Variants in TLK1 observed in about 807,000 individuals in gnomAD.
TLK1 encodes the protein serine/threonine-protein kinase tousled-like 1.
Under a neutral mutation model 105.3 loss-of-function variants are expected in TLK1, and 24 were observed. The observed-to-expected ratio is 0.23, with a 90% CI of 0.17 to 0.32. TLK1 has a LOEUF of 0.32. Among genes scored for constraint, TLK1 ranks in the 10% least tolerant of loss-of-function variants. The pLI is 1.00. For missense variants in TLK1, 558 were observed against 910.5 expected, an observed-to-expected ratio of 0.61 and a Z score of 4.98; for synonymous variants, 321 against 310.4, an observed-to-expected ratio of 1.03 and a Z score of -0.36.
At chr2:171,041,589 C>A (rs1686678680) in intron 11 of TLK1, among the ~76,000 whole-genome samples, 1 of 152,172 alleles carries the variant, frequency 6.6e-6, no homozygotes, top group Admixed American at 6.5e-5. Context: ...GTGAACTGCG[C>A]ATGCAAGGGA....
chr2:171,212,770 G>C (rs901698296), intron 1 of TLK1, among the ~76,000 whole-genome samples: 3 of 152,176 alleles, frequency 2.0e-5, no homozygotes, highest in African/African-American at 7.2e-5. Context: ...CAGGCAGTCA[G>C]AGCCCCTGTT....
intron 2 of TLK1, among the ~76,000 whole-genome samples, chr2:171,099,405 C>T (rs1689594664): frequency 6.6e-6 from 1 of 152,148 alleles, no homozygotes; most frequent in Admixed American, 6.5e-5. Flanking sequence ...TGCTAGAAGA[C>T]TTAATGTTAT....
intron 1 of TLK1, among the ~76,000 whole-genome samples, chr2:171,225,129 A>C (rs190879161): frequency 1.3e-5 from 2 of 152,194 alleles, no homozygotes; most frequent in Non-Finnish European, 2.9e-5. Flanking sequence ...TGATAAAAAA[A>C]ATACACTGGG....
chr2:170,993,916 C>T lies in TLK1; in HGVS notation c.2165G>A (p.Arg722Gln). 1.2e-6 allele frequency: 2 copies of T among 1,611,146 alleles called. No individual in the cohort carries two copies. Among genetic ancestry groups the T allele is most frequent in the Non-Finnish European group, 8.5e-7 (1 of 1,178,966 alleles). Reference sequence around the variant, plus strand: ...ATTTGCCAGCTGGTGCACATCAAATCGATCTTCTTTTCGATATGCCAAACA... The same window carrying T: ...ATTTGCCAGCTGGTGCACATCAAATTGATCTTCTTTTCGATATGCCAAACA... Reference protein sequence around the residue: ...RRCLAYRKEDRFDVHQLANDP... With the variant: ...RRCLAYRKEDQFDVHQLANDP... The change falls in exon 21 of 21, where the codon CGA becomes CAA. Residue 722 changes from arginine to glutamine, a missense_variant. Transcript: ENST00000431350.
intron 2 of TLK1, among the ~76,000 whole-genome samples, chr2:171,115,688 T>C (rs768085146): frequency 2.8e-4 from 43 of 152,212 alleles, no homozygotes; most frequent in Non-Finnish European, 4.9e-4. Context: ...GGTGGTGATA[T>C]TGACTATATG....
At chr2:171,093,419 A>G (rs941467285) in intron 2 of TLK1, among the ~76,000 whole-genome samples, 6 of 152,234 alleles carry the variant, frequency 3.9e-5, no homozygotes, top group African/African-American at 1.4e-4. Flanking sequence ...CTTGACATTC[A>G]AAGAGTGATG....
intron 1 of TLK1, among the ~76,000 whole-genome samples, chr2:171,184,256 C>T (rs1386574964): frequency 1.3e-5 from 2 of 152,120 alleles, no homozygotes; most frequent in East Asian, 3.8e-4. Flanking sequence ...TTGATTTTAG[C>T]CCAGTAAGAT....
At chr2:171,073,871 T>C (rs969171757) in intron 3 of TLK1, among the ~76,000 whole-genome samples, 3 of 50,594 alleles carry the variant, frequency 5.9e-5, no homozygotes, top group Non-Finnish European at 1.3e-4. Context: ...AAACTTAACA[T>C]TCCCCCCCCC....
chr2:171,071,180 G>C (rs757614912), intron 3 of TLK1, among the ~76,000 whole-genome samples: 1 of 152,084 alleles, frequency 6.6e-6, no homozygotes, highest in Non-Finnish European at 1.5e-5. Flanking sequence ...TTTATTCCTT[G>C]TCAGATGGAT....
intron 1 of TLK1, among the ~76,000 whole-genome samples, chr2:171,218,032 T>C (rs1693745263): frequency 6.6e-6 from 1 of 152,160 alleles, no homozygotes; most frequent in Non-Finnish European, 1.5e-5. Flanking sequence ...GGCGGGCAGA[T>C]CACAAGGTCA....
intron 1 of TLK1, among the ~76,000 whole-genome samples, chr2:171,198,225 A>G (rs1480343980): frequency 6.6e-6 from 1 of 152,244 alleles, no homozygotes. Flanking sequence ...TGGGCTGGCC[A>G]GCTGGAAATA....
intron 2 of TLK1, among the ~76,000 whole-genome samples, chr2:171,110,112 TATA>T (rs1268002493): frequency 6.6e-6 from 1 of 152,196 alleles, no homozygotes; most frequent in African/African-American, 2.4e-5. Context: ...CGTGAATGGT[TATA>T]ATACCTTTAT....
Position 170,993,779 on chromosome 2 carries a change from G to A in TLK1, c.*1C>T. ...GATATCATGCCAATCTTGGAGGAAAGTCAGTAAGTAATTATGCTTGAAGAA... is the reference window on the plus strand; with the variant it reads ...GATATCATGCCAATCTTGGAGGAAAATCAGTAAGTAATTATGCTTGAAGAA... On this transcript the variant is annotated 3_prime_UTR_variant, in exon 21 of 21. Coordinates refer to ENST00000431350, the MANE Select transcript of TLK1 (RefSeq NM_012290.5). 2 of 1,565,476 alleles carry A rather than the reference G, an allele frequency of 1.3e-6. No homozygotes were observed. The highest frequency in any genetic ancestry group is 1.7e-6 in the Non-Finnish European group (2 of 1,155,518).
chr2:171,123,711 T>G, intron 1 of TLK1, among the ~76,000 whole-genome samples: 1 of 152,112 alleles, frequency 6.6e-6, no homozygotes, highest in East Asian at 1.9e-4. Context: ...CTCAGGAGGC[T>G]GAGGTAGGAG....
chr2:171,117,308 T>G (rs1690477120), intron 2 of TLK1, among the ~76,000 whole-genome samples: 1 of 152,186 alleles, frequency 6.6e-6, no homozygotes, highest in South Asian at 2.1e-4. Context: ...CTCACTCTCC[T>G]GCCGCTCACC....
At chr2:171,214,940 C>T (rs1182615158) in intron 1 of TLK1, among the ~76,000 whole-genome samples, 5 of 151,868 alleles carry the variant, frequency 3.3e-5, no homozygotes, top group Non-Finnish European at 7.4e-5. Context: ...TCTCTTTCAA[C>T]TCTTTTCTTT....
intron 2 of TLK1, chr2:171,091,743 T>C: frequency 6.6e-6 from 1 of 151,814 alleles, no homozygotes; most frequent in East Asian, 2.0e-4. Context: ...GTTGTTGTTG[T>C]TGTTGTTGTT....
intron 1 of TLK1, among the ~76,000 whole-genome samples, chr2:171,203,451 C>A (rs2105321325): frequency 6.6e-6 from 1 of 152,272 alleles, no homozygotes; most frequent in South Asian, 2.1e-4. Context: ...TTGTATTTGT[C>A]TTTTTGTGAC....
At chr2:171,208,912 G>A (rs1247640582) in intron 1 of TLK1, among the ~76,000 whole-genome samples, 2 of 152,198 alleles carry the variant, frequency 1.3e-5, no homozygotes, top group African/African-American at 4.8e-5. Flanking sequence ...ATCTGTACTT[G>A]TAGGAAATGA....
Sources: allele counts gnomAD v4.1 joint callset (sites outside exome capture counted in the v4.1 genomes callset), GRCh38; gene constraint gnomAD v4.1.1; transcripts MANE v1.5; gene names NCBI Gene and HGNC (gene_info 2026-07-23, HGNC 2026-07-21).